Variants in IL18R1 observed in about 807,000 individuals in gnomAD.
IL18R1 encodes interleukin 18 receptor 1.
A neutral mutation model predicts 48.5 loss-of-function variants in IL18R1; 40 were observed. That is an observed-to-expected ratio of 0.82 (90% CI 0.64 to 1.07). IL18R1 has a LOEUF of 1.07. IL18R1 is among the 50% of genes least tolerant of loss of function. IL18R1 has a pLI of 0.00. For synonymous variants in IL18R1, 232 were observed against 225.9 expected (o/e 1.03, Z -0.24); for missense variants, 596 against 633.7 (o/e 0.94, Z 0.64).
At position 102,397,290 on chromosome 2, in the gene IL18R1, G is replaced by A; in HGVS notation, c.*404G>A. 6.2e-6 allele frequency: 1 copy of A among 161,928 alleles called. No homozygotes were observed. Among genetic ancestry groups the A allele is most frequent in the Non-Finnish European group, 1.3e-5 (1 of 74,558 alleles). 10.0% of individuals were successfully genotyped at this position (161,928 alleles called of 1,614,324 possible). A position where few individuals can be genotyped will look rare whatever the true frequency, so the allele number is the denominator to read the frequency against. On this transcript the variant is annotated 3_prime_UTR_variant, in exon 11 of 11. Coordinates refer to ENST00000233957, the MANE Select transcript of IL18R1 (RefSeq NM_003855.5). ...TGAGGGGATTTTAAGTGTCTGAAGA[G>A]GCATTTTCTAGGGACCAGTGGGTGA...
intron 1 of IL18R1, among the ~76,000 whole-genome samples, chr2:102,358,731 A>G (rs1678401769): frequency 6.6e-6 from 1 of 152,072 alleles, no homozygotes. Flanking sequence ...TTTTTTTCCA[A>G]ACTTGGGTGA....
chr2:102,372,249 GTTTGAGCCAAGT>G (rs1679309433), intron 4 of IL18R1, 131 bp downstream of exon 4: 1 of 654,410 alleles, frequency 1.5e-6, no homozygotes, highest in African/African-American at 1.9e-5. Context: ...CACTTGCCCT[GTTTGAGCCAAGT>G]ATCCTCACTG....
Position 102,390,950 on chromosome 2 carries a change from AG to A in IL18R1, c.1111+734del, listed in dbSNP as rs200478786. ...ACTCCGTCTCAAAAAAAAAAAAAAA[AG>A]AGAGAGAAAAAGAACCCCGAGCTGG... On this transcript the variant is annotated intron_variant, in intron 9 of 10. Coordinates refer to ENST00000233957, the MANE Select transcript of IL18R1 (RefSeq NM_003855.5). Among the ~76,000 whole-genome samples, 14 of 149,586 alleles carry A rather than the reference AG, an allele frequency of 9.4e-5. 1 individual carries two copies. Among genetic ancestry groups the A allele is most frequent in the African/African-American group, 1.7e-4 (7 of 40,876 alleles).
chr2:102,363,351 C>T (rs1678697134), intron 2 of IL18R1, among the ~76,000 whole-genome samples: 1 of 152,126 alleles, frequency 6.6e-6, no homozygotes, highest in African/African-American at 2.4e-5. Context: ...AACACATGGG[C>T]TCATTTCCCT....
intron 1 of IL18R1, among the ~76,000 whole-genome samples, chr2:102,362,069 C>T (rs982622928): frequency 2.0e-5 from 3 of 152,136 alleles, no homozygotes; most frequent in South Asian, 2.1e-4. Flanking sequence ...TGCTAGGCAT[C>T]GTGCTGGATT....
At chr2:102,378,414 G>A (rs960810725) in intron 5 of IL18R1, among the ~76,000 whole-genome samples, 3 of 152,188 alleles carry the variant, frequency 2.0e-5, no homozygotes, top group African/African-American at 7.2e-5. Context: ...GACAGTAAGA[G>A]TTCTGCTGTA....
At chr2:102,356,862 C>A (rs578156058) in intron 1 of IL18R1, among the ~76,000 whole-genome samples, 1 of 152,168 alleles carries the variant, frequency 6.6e-6, no homozygotes, top group African/African-American at 2.4e-5. Context: ...GATTCCAGAG[C>A]CTTTGTCTTT....
intron 9 of IL18R1, among the ~76,000 whole-genome samples, chr2:102,394,128 C>G (rs2287034): frequency 1.3e-5 from 2 of 151,778 alleles, no homozygotes; most frequent in Non-Finnish European, 2.9e-5. Flanking sequence ...TATGAGTAAA[C>G]CAGGGTGAGA....
intron 1 of IL18R1, among the ~76,000 whole-genome samples, chr2:102,359,896 T>C (rs1678474111): frequency 5.3e-5 from 8 of 152,210 alleles, no homozygotes; most frequent in Admixed American, 5.2e-4. Flanking sequence ...ACACTTGCAA[T>C]AGTAACTCAT....
rs1354315278 is a variant in IL18R1, at chr2:102,398,522, ATAATT to A, written c.*1642_*1646del. The A allele has an allele frequency of 6.6e-6, 1 of 152,286 alleles. No individual in the cohort carries two copies. Among genetic ancestry groups the A allele is most frequent in the Admixed American group, 6.5e-5 (1 of 15,292 alleles). 9.4% of individuals were successfully genotyped at this position (152,286 alleles called of 1,614,324 possible). ...CAACTGGATGACTAAAAAGAGTAAAATAATTTAATTAATAGCTCATATTTTATGTG... is the reference window on the plus strand; with the variant it reads ...CAACTGGATGACTAAAAAGAGTAAAATAATTAATAGCTCATATTTTATGTG... On this transcript the variant is annotated 3_prime_UTR_variant, in exon 11 of 11. Coordinates refer to ENST00000233957, the MANE Select transcript of IL18R1 (RefSeq NM_003855.5).
chr2:102,370,694 G>A (rs1022312386), intron 3 of IL18R1, among the ~76,000 whole-genome samples: 2 of 152,268 alleles, frequency 1.3e-5, no homozygotes, highest in Non-Finnish European at 2.9e-5. Context: ...CTTGTAGCAA[G>A]TGTGTGGCCT....
rs1678227083 is a variant in IL18R1, at chr2:102,356,054, G to C, written c.-375G>C. On this transcript the variant is annotated 5_prime_UTR_variant, in exon 1 of 11. Coordinates refer to ENST00000233957, the MANE Select transcript of IL18R1 (RefSeq NM_003855.5). ...TCTACGCCAGGGAGCGCCCCAGACTGAGAGCGCCCCAGACCGCTACACTCC... is the reference window on the plus strand; with the variant it reads ...TCTACGCCAGGGAGCGCCCCAGACTCAGAGCGCCCCAGACCGCTACACTCC... 8.3e-6 allele frequency: 1 copy of C among 120,930 alleles called. No homozygotes were observed. 7.5% of individuals were successfully genotyped at this position (120,930 alleles called of 1,614,324 possible).
intron 3 of IL18R1, among the ~76,000 whole-genome samples, chr2:102,368,435 T>C (rs934284033): frequency 6.6e-6 from 1 of 152,260 alleles, no homozygotes; most frequent in South Asian, 2.1e-4. Flanking sequence ...GTGTTGCGAA[T>C]GGGGCAGTGT....
chr2:102,361,016 T>C (rs36214167), intron 1 of IL18R1, among the ~76,000 whole-genome samples: 2 of 152,218 alleles, frequency 1.3e-5, no homozygotes, highest in Non-Finnish European at 2.9e-5. Flanking sequence ...AATTTTTGTA[T>C]ACTGAGATCT....
chr2:102,373,136 A>G (rs1178272485), intron 4 of IL18R1, among the ~76,000 whole-genome samples: 1 of 152,108 alleles, frequency 6.6e-6, no homozygotes, highest in African/African-American at 2.4e-5. Context: ...AATAAATTAA[A>G]CTTTTGTATA....
rs1185898779 is a variant in IL18R1 at position 102,373,748 on chromosome 2, CA to C, written c.468+1631del. On this transcript the variant is annotated intron_variant, in intron 4 of 10. Transcript: ENST00000233957. ...CATACGCAACACAAATTGTGTAGTT[CA>C]GGGGTCCCCAATCCCCATGCCACTC... Among the ~76,000 whole-genome samples the C allele has an allele frequency of 3.3e-5, 5 of 152,240 alleles. No homozygotes were observed. In the South Asian group the frequency reaches 8.3e-4, roughly 25 times the overall value.
chr2:102,363,320 A>C (rs1481124863), intron 2 of IL18R1, among the ~76,000 whole-genome samples: 2 of 152,062 alleles, frequency 1.3e-5, no homozygotes, highest in East Asian at 3.9e-4. Flanking sequence ...ATTTGCCTTG[A>C]TCTATTATCT....
At chr2:102,366,915 C>G (rs1053059463) in intron 2 of IL18R1, among the ~76,000 whole-genome samples, 1 of 152,202 alleles carries the variant, frequency 6.6e-6, no homozygotes, top group Non-Finnish European at 1.5e-5. Context: ...TGAGTTAAAA[C>G]CAGACTGCTG....
In IL18R1 at chr2:102,388,139, A is replaced by G. The variant is rs369542032; in HGVS notation, c.949+1139A>G. On this transcript the variant is annotated intron_variant, in intron 8 of 10. Coordinates refer to ENST00000233957, the MANE Select transcript of IL18R1 (RefSeq NM_003855.5). The stretch of plus-strand genomic sequence containing the variant: ...ACGGAAGGAGTGGGACAGGAAGAGC[A>G]CAAAGGCTGGAAACCCCCTCCAGCT... 2.4e-3 allele frequency among the ~76,000 whole-genome samples: 359 copies of G among 152,272 alleles called. 2 individuals carry two copies. Among genetic ancestry groups the G allele is most frequent in the African/African-American group, 7.6e-3 (316 of 41,556 alleles).
Sources: allele counts gnomAD v4.1 joint callset (sites outside exome capture counted in the v4.1 genomes callset), GRCh38; gene constraint gnomAD v4.1.1; transcripts MANE v1.5; gene names NCBI Gene and HGNC (gene_info 2026-07-23, HGNC 2026-07-21).